GPHN: variants seen among roughly 807,000 people sequenced by gnomAD.
GPHN encodes gephyrin.
Under a neutral mutation model 95.5 loss-of-function variants are expected in GPHN, and 17 were observed. The observed-to-expected ratio is 0.18, with a 90% CI of 0.12 to 0.27. GPHN has a LOEUF of 0.27. GPHN is among the 10% of genes least tolerant of loss of function. The probability of loss-of-function intolerance (pLI) is 1.00; values close to 1 mark genes in which losing one functional copy is unlikely to be tolerated. For missense variants in GPHN, 660 were observed against 978.1 expected, an observed-to-expected ratio of 0.67 and a Z score of 4.34; for synonymous variants, 320 against 322.5, an observed-to-expected ratio of 0.99 and a Z score of 0.08.
At chr14:66,849,091 G>T (rs920323789) in intron 4 of GPHN, among the ~76,000 whole-genome samples, 3 of 151,794 alleles carry the variant, frequency 2.0e-5, no homozygotes, top group Non-Finnish European at 4.4e-5. Context: ...ATTATATTTA[G>T]AAAGATTAAA....
At chr14:67,458,119 C>G in the GPHN span, among the ~76,000 whole-genome samples, 2 of 152,166 alleles carry the variant, frequency 1.3e-5, no homozygotes, top group Non-Finnish European at 2.9e-5. Context: ...AGAGCTGAGC[C>G]TTTTCCTCGC....
At chr14:67,446,214 C>A in the GPHN span, 1 of 362,180 alleles carries the variant, frequency 2.8e-6, no homozygotes, top group Non-Finnish European at 5.4e-6. Context: ...TCAGTTTTCT[C>A]ATCTGTAAAA....
At chr14:67,642,317 G>C in the GPHN span, 4 of 1,614,014 alleles carry the variant, frequency 2.5e-6, no homozygotes, top group Admixed American at 6.7e-5. Context: ...GGTTAGCAGA[G>C]CTGTGTCAGA....
intron 1 of GPHN, among the ~76,000 whole-genome samples, chr14:66,554,886 T>C (rs1422532125): frequency 1.3e-5 from 2 of 152,176 alleles, no homozygotes; most frequent in Admixed American, 6.6e-5. Context: ...GCCAAGAATG[T>C]TACATTATGA....
At chr14:67,642,793 C>CAT in the GPHN span, among the ~76,000 whole-genome samples, 1 of 75,518 alleles carries the variant, frequency 1.3e-5, no homozygotes, top group Non-Finnish European at 2.3e-5. Context: ...ACTACATTTT[C>CAT]TTTTTTTTTT....
At chr14:67,508,257 C>T in the GPHN span, among the ~76,000 whole-genome samples, 3 of 152,096 alleles carry the variant, frequency 2.0e-5, no homozygotes, top group Admixed American at 1.3e-4. Flanking sequence ...ACCATCTCTT[C>T]CCTCCCAACT....
the GPHN span, among the ~76,000 whole-genome samples, chr14:67,290,363 A>C: frequency 6.6e-6 from 1 of 152,132 alleles, no homozygotes; most frequent in Non-Finnish European, 1.5e-5. Flanking sequence ...ATAAAGACAG[A>C]CTCTGATATG....
At chr14:67,198,278 C>A in the GPHN span, 1 of 1,613,750 alleles carries the variant, frequency 6.2e-7, no homozygotes, top group South Asian at 1.1e-5. Context: ...GAGAGTATGC[C>A]CCTTTTGTAT....
chr14:66,793,010 A>G (rs1279693301), intron 3 of GPHN, among the ~76,000 whole-genome samples: 1 of 152,264 alleles, frequency 6.6e-6, no homozygotes, highest in East Asian at 1.9e-4. Context: ...TGGTTTAAGA[A>G]TGCCTTTAAG....
At chr14:67,180,718 CTG>C in intron 22 of GPHN, 84 bp from the exon 23 acceptor site, 1 of 1,313,292 alleles carries the variant, frequency 7.6e-7, no homozygotes, top group Non-Finnish European at 1.1e-6. Flanking sequence ...GCATTTCTGT[CTG>C]TTTACATTTT....
At chr14:67,682,667 G>A in the GPHN span, among the ~76,000 whole-genome samples, 8 of 152,204 alleles carry the variant, frequency 5.3e-5, no homozygotes, top group Non-Finnish European at 1.2e-4. Flanking sequence ...GTAAAATGGG[G>A]CAGTCATTTT....
chr14:66,588,941 CAAGGTTGA>C (rs1391758103), intron 1 of GPHN, among the ~76,000 whole-genome samples: 2 of 152,028 alleles, frequency 1.3e-5, no homozygotes, highest in Non-Finnish European at 2.9e-5. Flanking sequence ...TCAGATTCAT[CAAGGTTGA>C]AATGAAGGAG....
At chr14:67,376,560 G>C in the GPHN span, 1 of 1,613,996 alleles carries the variant, frequency 6.2e-7, no homozygotes, top group East Asian at 2.2e-5. Context: ...CCTGGATATG[G>C]TGCCTATGAT....
chr14:67,537,346 AAATAATAATAAT>A, the GPHN span, among the ~76,000 whole-genome samples: 2 of 126,606 alleles, frequency 1.6e-5, no homozygotes, highest in East Asian at 2.2e-4. Context: ...TCCATCTCAA[AAATAATAATAAT>A]AATAATAATA....
Position 66,781,469 on chromosome 14 carries a change from C to T in GPHN, c.201+4948C>T, listed in dbSNP as rs150742325. Among the ~76,000 whole-genome samples, 242 of 152,152 alleles carry T rather than the reference C, an allele frequency of 1.6e-3. 1 individual carries two copies. The highest frequency in any genetic ancestry group is 5.7e-3 in the African/African-American group (235 of 41,514). On this transcript the variant is annotated intron_variant, in intron 3 of 22. Transcript: ENST00000478722. The stretch of plus-strand genomic sequence containing the variant: ...CTGACCTGAAGTGATCCACCTGCCT[C>T]GGCCTCCCAAAGTGCTGGGATTACA...
chr14:67,221,632 C>T, the GPHN span: 1 of 1,161,746 alleles, frequency 8.6e-7, no homozygotes. Flanking sequence ...GTTCTATAAT[C>T]AGCAATGGCC....
chr14:67,575,148 T>C, the GPHN span, among the ~76,000 whole-genome samples: 4 of 152,094 alleles, frequency 2.6e-5, no homozygotes, highest in Admixed American at 6.5e-5. Context: ...GGACATCTGA[T>C]TGGCCTGGCT....
chr14:67,180,111 C>T (rs1247534183), intron 22 of GPHN, among the ~76,000 whole-genome samples: 1 of 152,184 alleles, frequency 6.6e-6, no homozygotes, highest in African/African-American at 2.4e-5. Context: ...ATTTGAAGGG[C>T]AGAGAAATCA....
chr14:67,723,309 C>T, the GPHN span, among the ~76,000 whole-genome samples: 6 of 152,162 alleles, frequency 3.9e-5, no homozygotes, highest in Admixed American at 6.5e-5. Context: ...TCATAGGTCA[C>T]TGCAGCCTTG....
Sources: gnomAD v4.1 joint callset for allele counts (sites outside exome capture counted in the v4.1 genomes callset) on GRCh38, gnomAD v4.1.1 for gene constraint, MANE v1.5 for transcripts, NCBI Gene and HGNC (gene_info 2026-07-23, HGNC 2026-07-21) for gene names.